The following GAS7 variants were observed in gnomAD, a reference collection of about 807,000 sequenced individuals.
The protein encoded by GAS7 is growth arrest-specific protein 7.
Under a neutral mutation model 71.1 loss-of-function variants are expected in GAS7, and 28 were observed. The observed-to-expected ratio is 0.39, with a 90% CI of 0.29 to 0.54. The LOEUF is 0.54. GAS7 is among the 20% of genes least tolerant of loss of function. The pLI, the probability that GAS7 is intolerant of heterozygous loss-of-function variation, is 0.62. For synonymous variants in GAS7, 258 were observed against 245.8 expected, an observed-to-expected ratio of 1.05 and a Z score of -0.46; for missense variants, 436 against 627.8, an observed-to-expected ratio of 0.69 and a Z score of 3.27.
chr17:10,116,397 A>G (rs2073861578), intron 1 of GAS7, among the ~76,000 whole-genome samples: 2 of 152,150 alleles, frequency 1.3e-5, no homozygotes, highest in Admixed American at 6.5e-5. Flanking sequence ...TGCATGGAAC[A>G]AAATGAATAC....
intron 1 of GAS7, among the ~76,000 whole-genome samples, chr17:10,124,180 C>A (rs1288620061): frequency 6.6e-6 from 1 of 152,254 alleles, no homozygotes; most frequent in African/African-American, 2.4e-5. Context: ...CCAGCTCCAA[C>A]CAGCCCCTCG....
chr17:10,048,739 C>A (rs1353581520), intron 1 of GAS7, among the ~76,000 whole-genome samples: 1 of 152,146 alleles, frequency 6.6e-6, no homozygotes, highest in Non-Finnish European at 1.5e-5. Flanking sequence ...TAGAGGCATG[C>A]AAGTGAAGAC....
intron 1 of GAS7, among the ~76,000 whole-genome samples, chr17:10,130,477 C>T (rs1330275248): frequency 6.6e-6 from 1 of 150,816 alleles, no homozygotes; most frequent in African/African-American, 2.5e-5. Flanking sequence ...CCACGTGACC[C>T]AGCAATTCCA....
intron 8 of GAS7, among the ~76,000 whole-genome samples, chr17:9,938,082 C>T (rs543728413): frequency 1.3e-5 from 2 of 152,116 alleles, no homozygotes; most frequent in African/African-American, 2.4e-5. Context: ...TTATGTCCTG[C>T]CAAAATTCTT....
intron 1 of GAS7, among the ~76,000 whole-genome samples, chr17:10,157,469 T>C (rs1406147923): frequency 6.6e-6 from 1 of 152,214 alleles, no homozygotes; most frequent in Non-Finnish European, 1.5e-5. Flanking sequence ...TGATTTTGTG[T>C]TATCCTGCTA....
intron 12 of GAS7, among the ~76,000 whole-genome samples, chr17:9,918,682 G>A (rs552252815): frequency 7.2e-5 from 11 of 152,312 alleles, no homozygotes; most frequent in South Asian, 2.1e-4. Flanking sequence ...AATAGAGACC[G>A]GGCCAGGGAG....
chr17:9,934,534 G>A (rs766869298), intron 8 of GAS7, among the ~76,000 whole-genome samples: 15 of 152,122 alleles, frequency 9.9e-5, no homozygotes, highest in African/African-American at 3.4e-4. Flanking sequence ...CCAGAGGCTC[G>A]AAAGGACCCA....
At chr17:10,092,724 C>A (rs777141350) in intron 1 of GAS7, among the ~76,000 whole-genome samples, 1 of 152,188 alleles carries the variant, frequency 6.6e-6, no homozygotes, top group Admixed American at 6.5e-5. Context: ...GAGGGCCACG[C>A]CCCCCTTGGA....
chr17:9,992,546 G>C (rs1021612601), intron 2 of GAS7, among the ~76,000 whole-genome samples: 1 of 149,692 alleles, frequency 6.7e-6, no homozygotes, highest in African/African-American at 2.5e-5. Context: ...GCAGGGCCTG[G>C]CCTCCTTCCC....
At chr17:10,146,244 A>G (rs1320275945) in intron 1 of GAS7, among the ~76,000 whole-genome samples, 1 of 152,182 alleles carries the variant, frequency 6.6e-6, no homozygotes, top group African/African-American at 2.4e-5. Flanking sequence ...GCAGATAAGA[A>G]ATGGAATGTT....
intron 3 of GAS7, among the ~76,000 whole-genome samples, chr17:9,970,906 C>A (rs1252418751): frequency 1.3e-5 from 2 of 152,190 alleles, no homozygotes; most frequent in Non-Finnish European, 2.9e-5. Context: ...TCTCGGTTCC[C>A]AGGTGGTACC....
intron 1 of GAS7, among the ~76,000 whole-genome samples, chr17:10,032,867 T>C (rs2072655318): frequency 6.6e-6 from 1 of 152,200 alleles, no homozygotes; most frequent in Admixed American, 6.5e-5. Context: ...GAAAGGCTTG[T>C]CTGAGACACC....
chr17:9,938,522 C>G (rs2068483351), intron 8 of GAS7, among the ~76,000 whole-genome samples: 1 of 150,092 alleles, frequency 6.7e-6, no homozygotes, highest in Non-Finnish European at 1.5e-5. Context: ...CTCTCTCTCT[C>G]TCTCTGAGCA....
chr17:9,961,956 T>C (rs1019777584), intron 4 of GAS7, among the ~76,000 whole-genome samples: 3 of 152,166 alleles, frequency 2.0e-5, no homozygotes, highest in Non-Finnish European at 2.9e-5. Context: ...CACAAACATA[T>C]ATTTTGGGAC....
rs775575289 is a variant in GAS7, at chr17:10,103,270, G to A, written c.184-83373C>T. Among the ~76,000 whole-genome samples the A allele has an allele frequency of 1.4e-4, 22 of 152,042 alleles. No homozygotes were observed. Among genetic ancestry groups the A allele is most frequent in the Non-Finnish European group, 2.5e-4 (17 of 67,996 alleles). On this transcript the variant is annotated intron_variant, in intron 1 of 13. Coordinates refer to ENST00000432992, the MANE Select transcript of GAS7 (RefSeq NM_201433.2). This position sits in a 1 kb window ranked among gnomAD's most constrained non-coding sequence, Gnocchi z 5.5. ...AAGGTGGGAGAATCACCTGAGCCTG[G>A]GGAGTAGAGGCTGCAGTGAGAGCTG...
At chr17:10,110,053 C>CAAA (rs956917519) in intron 1 of GAS7, among the ~76,000 whole-genome samples, 7 of 73,444 alleles carry the variant, frequency 9.5e-5, no homozygotes, top group South Asian at 5.1e-4. Flanking sequence ...GGCTCCGTCT[C>CAAA]AAAAAAAAAA....
Position 10,129,289 on chromosome 17 carries a change from C to T in GAS7, c.183+68919G>A, listed in dbSNP as rs567317996. On this transcript the variant is annotated intron_variant, in intron 1 of 13. Coordinates refer to ENST00000432992, the MANE Select transcript of GAS7 (RefSeq NM_201433.2). ...TGGCTTATGCCTGTAATCCCAGCAACGATGGGAGGCTGAGGTAGGTGCATC... is the reference window on the plus strand; with the variant it reads ...TGGCTTATGCCTGTAATCCCAGCAATGATGGGAGGCTGAGGTAGGTGCATC... 3.9e-5 allele frequency among the ~76,000 whole-genome samples: 6 copies of T among 152,290 alleles called. 1 individual carries two copies. Among genetic ancestry groups the T allele is most frequent in the East Asian group, 3.9e-4 (2 of 5,182 alleles).
intron 1 of GAS7, among the ~76,000 whole-genome samples, chr17:10,116,615 T>A (rs897010368): frequency 1.3e-5 from 2 of 152,044 alleles, no homozygotes; most frequent in African/African-American, 4.8e-5. Flanking sequence ...GGGTCTGAAG[T>A]GGACTTAGAG....
At chr17:9,970,358 T>C (rs1215809486) in intron 3 of GAS7, among the ~76,000 whole-genome samples, 1 of 152,148 alleles carries the variant, frequency 6.6e-6, no homozygotes, top group Non-Finnish European at 1.5e-5. Flanking sequence ...GGCTTGGAGC[T>C]GGGGCTCATG....
Sources: allele counts gnomAD v4.1 joint callset (sites outside exome capture counted in the v4.1 genomes callset), GRCh38; gene constraint gnomAD v4.1.1; non-coding constraint Gnocchi (gnomAD v3.1); transcripts MANE v1.5; gene names NCBI Gene and HGNC (gene_info 2026-07-23, HGNC 2026-07-21).